Variants in PRKG1 observed in about 807,000 individuals in gnomAD.
PRKG1 encodes the protein cGMP-dependent protein kinase 1.
A neutral mutation model predicts 88.1 loss-of-function variants in PRKG1; 35 were observed. The ratio of observed to expected loss-of-function variants is 0.40; its 90% CI spans 0.30 to 0.53. The LOEUF is 0.53. Among genes scored for constraint, PRKG1 ranks in the 20% least tolerant of loss-of-function variants. The pLI, the probability that PRKG1 is intolerant of heterozygous loss-of-function variation, is 0.59. For missense variants in PRKG1, 540 were observed against 839.8 expected (o/e 0.64, Z 4.41); for synonymous variants, 303 against 292.5 (o/e 1.04, Z -0.37).
intron 9 of PRKG1, among the ~76,000 whole-genome samples, chr10:52,210,243 G>A (rs1438286059): frequency 6.6e-6 from 1 of 151,786 alleles, no homozygotes. Context: ...CATCTCTTAG[G>A]TCTTGCAGAA....
At chr10:51,171,528 T>C (rs12416262) in intron 2 of PRKG1, among the ~76,000 whole-genome samples, 1,585 of 152,228 alleles carry the variant, frequency 0.01, 56 homozygotes, top group Admixed American at 0.064. Flanking sequence ...ACCTTGTTGA[T>C]ATTTATCCTA....
intron 1 of PRKG1, among the ~76,000 whole-genome samples, chr10:51,069,212 C>T (rs1843791561): frequency 6.6e-6 from 1 of 151,980 alleles, no homozygotes; most frequent in African/African-American, 2.4e-5. Flanking sequence ...CTTTCCAAGT[C>T]TCTGCAGTAA....
chr10:51,590,407 T>A (rs553608399), intron 3 of PRKG1, among the ~76,000 whole-genome samples: 6 of 152,314 alleles, frequency 3.9e-5, no homozygotes, highest in Admixed American at 2.0e-4. Context: ...TCTTTCCCCA[T>A]TGTATGCCAT....
intron 3 of PRKG1, among the ~76,000 whole-genome samples, chr10:51,766,926 G>A (rs758048754): frequency 6.6e-6 from 1 of 152,044 alleles, no homozygotes; most frequent in Non-Finnish European, 1.5e-5. Flanking sequence ...CTGCTCTGCC[G>A]GAAGCCTGCA....
At chr10:52,076,957 T>C (rs565005000) in intron 7 of PRKG1, among the ~76,000 whole-genome samples, 1 of 151,510 alleles carries the variant, frequency 6.6e-6, no homozygotes, top group East Asian at 1.9e-4. Context: ...GGATGTAGAG[T>C]ATAAAATAGT....
intron 3 of PRKG1, among the ~76,000 whole-genome samples, chr10:51,756,428 G>A (rs1837861870): frequency 6.6e-6 from 1 of 150,966 alleles, no homozygotes; most frequent in East Asian, 1.9e-4. Context: ...TTGAGACCAT[G>A]GTGAGACGAG....
At chr10:51,076,092 A>C (rs1843945372) in intron 1 of PRKG1, among the ~76,000 whole-genome samples, 1 of 152,176 alleles carries the variant, frequency 6.6e-6, no homozygotes, top group South Asian at 2.1e-4. Context: ...GATTATCTCT[A>C]TTTGTATTTA....
intron 2 of PRKG1, among the ~76,000 whole-genome samples, chr10:51,229,941 A>G (rs74895459): frequency 1.8e-4 from 24 of 135,994 alleles, no homozygotes; most frequent in Admixed American, 2.3e-4. Context: ...AAAAAAAAAA[A>G]AAAAAAAGAA....
At chr10:51,940,117 T>A (rs990122155) in intron 5 of PRKG1, among the ~76,000 whole-genome samples, 2 of 151,904 alleles carry the variant, frequency 1.3e-5, no homozygotes, top group South Asian at 4.1e-4. Context: ...AGCTCTATTC[T>A]TTTTTTCATG....
chr10:51,226,434 A>C (rs1426105270), intron 2 of PRKG1, among the ~76,000 whole-genome samples: 1 of 152,180 alleles, frequency 6.6e-6, no homozygotes, highest in African/African-American at 2.4e-5. Context: ...CAAGATGTGC[A>C]TCAGTGTTCC....
chr10:52,194,009 G>A (rs1839442911), intron 9 of PRKG1, among the ~76,000 whole-genome samples: 1 of 151,726 alleles, frequency 6.6e-6, no homozygotes, highest in Non-Finnish European at 1.5e-5. Flanking sequence ...TCTTATATTT[G>A]GTAAAGATCA....
At chr10:51,040,038 A>C (rs1361294650) in intron 1 of PRKG1, among the ~76,000 whole-genome samples, 1 of 152,138 alleles carries the variant, frequency 6.6e-6, no homozygotes, top group Admixed American at 6.6e-5. Context: ...CTTCTTGCTT[A>C]AGATAACTTT....
At chr10:52,274,916 C>T (rs1841833452) in intron 12 of PRKG1, among the ~76,000 whole-genome samples, 1 of 152,102 alleles carries the variant, frequency 6.6e-6, no homozygotes, top group Non-Finnish European at 1.5e-5. Flanking sequence ...TTTTGATTTG[C>T]ATTCCCCTGA....
At chr10:51,122,985 G>T (rs1845301754) in intron 1 of PRKG1, among the ~76,000 whole-genome samples, 1 of 152,116 alleles carries the variant, frequency 6.6e-6, no homozygotes, top group Admixed American at 6.5e-5. Flanking sequence ...AACACACAAT[G>T]TAGGACAAAC....
intron 9 of PRKG1, among the ~76,000 whole-genome samples, chr10:52,167,916 T>C (rs1838533478): frequency 2.0e-5 from 3 of 152,178 alleles, no homozygotes; most frequent in Admixed American, 2.0e-4. Flanking sequence ...ACTTCTTCTC[T>C]TGTCAAAATC....
intron 9 of PRKG1, among the ~76,000 whole-genome samples, chr10:52,208,258 CA>C (rs1564516506): frequency 6.6e-6 from 1 of 152,030 alleles, no homozygotes; most frequent in Non-Finnish European, 1.5e-5. Flanking sequence ...GAAAGGAACT[CA>C]AGACAAAAAG....
At chr10:52,179,831 G>A (rs1236793136) in intron 9 of PRKG1, among the ~76,000 whole-genome samples, 1 of 152,144 alleles carries the variant, frequency 6.6e-6, no homozygotes, top group Non-Finnish European at 1.5e-5. Context: ...TGGGATTACA[G>A]GCACTGCCAC....
intron 1 of PRKG1, among the ~76,000 whole-genome samples, chr10:51,085,308 T>A (rs1056872935): frequency 1.6e-4 from 25 of 152,212 alleles, no homozygotes; most frequent in Admixed American, 1.5e-3. Context: ...ATTAGATTTG[T>A]GCTGGTTTGA....
chr10:52,228,583 AT>A (rs1372629029), intron 9 of PRKG1, among the ~76,000 whole-genome samples: 1 of 152,230 alleles, frequency 6.6e-6, no homozygotes, highest in Non-Finnish European at 1.5e-5. Context: ...CTGAGCAAAC[AT>A]CTGCTCCCCT....
Sources: allele counts gnomAD v4.1 joint callset (sites outside exome capture counted in the v4.1 genomes callset), GRCh38; gene constraint gnomAD v4.1.1; transcripts MANE v1.5; gene names NCBI Gene and HGNC (gene_info 2026-07-23, HGNC 2026-07-21).